Variants in GRID1 observed in about 807,000 individuals in gnomAD.
The protein encoded by GRID1 is glutamate ionotropic receptor delta type subunit 1.
A neutral mutation model predicts 98.0 loss-of-function variants in GRID1; 28 were observed. That is an observed-to-expected ratio of 0.29 (90% CI 0.21 to 0.39). The LOEUF is 0.39. Ranked by LOEUF, GRID1 falls within the 10% of genes least tolerant of loss-of-function variation. The pLI is 1.00. For synonymous variants in GRID1, 553 were observed against 538.5 expected, an observed-to-expected ratio of 1.03 and a Z score of -0.37; for missense variants, 1,111 against 1,340.5, an observed-to-expected ratio of 0.83 and a Z score of 2.67.
chr10:85,818,434 G>A (rs961775927), intron 8 of GRID1, among the ~76,000 whole-genome samples: 2 of 152,132 alleles, frequency 1.3e-5, no homozygotes, highest in African/African-American at 4.8e-5. Context: ...TCCATTAAAA[G>A]GTCCAAGAAG....
At chr10:85,610,326 C>G (rs964988035) in intron 15 of GRID1, among the ~76,000 whole-genome samples, 6 of 152,220 alleles carry the variant, frequency 3.9e-5, no homozygotes, top group African/African-American at 9.6e-5. Context: ...ACCTCTCAGT[C>G]TGGCATTTAA....
chr10:86,076,642 C>T (rs181869007), intron 4 of GRID1, among the ~76,000 whole-genome samples: 1 of 152,178 alleles, frequency 6.6e-6, no homozygotes, highest in East Asian at 1.9e-4. Context: ...GGCAGTCCTC[C>T]GGCCAAAATC....
In GRID1 at chr10:86,355,682, G is replaced by T. The variant is rs80207030; in HGVS notation, c.235+8259C>A. On this transcript the variant is annotated intron_variant, in intron 2 of 15. Coordinates refer to ENST00000327946, the MANE Select transcript of GRID1 (RefSeq NM_017551.3). Reference sequence around the variant, plus strand: ...AACCGTGGCCATCTGCCAGGAAACTGGCTGTTTACAGGCTGGGAGGAAGGG... The same window carrying T: ...AACCGTGGCCATCTGCCAGGAAACTTGCTGTTTACAGGCTGGGAGGAAGGG... Among the ~76,000 whole-genome samples the T allele has an allele frequency of 4.7e-3, 718 of 152,384 alleles. 7 individuals are homozygous for T. Among genetic ancestry groups the T allele is most frequent in the African/African-American group, 0.016 (674 of 41,594 alleles).
At chr10:86,050,551 A>G (rs1843487247) in intron 4 of GRID1, among the ~76,000 whole-genome samples, 1 of 152,028 alleles carries the variant, frequency 6.6e-6, no homozygotes, top group South Asian at 2.1e-4. Context: ...TAGTCAAACA[A>G]TGATGAATTT....
At chr10:86,045,433 A>G (rs1172843031) in intron 4 of GRID1, among the ~76,000 whole-genome samples, 1 of 152,208 alleles carries the variant, frequency 6.6e-6, no homozygotes, top group Non-Finnish European at 1.5e-5. Flanking sequence ...AGGGGAAATT[A>G]TTTTGACAAG....
chr10:86,362,758 C>T (rs1188560907), intron 2 of GRID1, among the ~76,000 whole-genome samples: 4 of 152,224 alleles, frequency 2.6e-5, no homozygotes, highest in Non-Finnish European at 5.9e-5. Context: ...GGCATCCTGT[C>T]CTTGCAGGCA....
intron 4 of GRID1, among the ~76,000 whole-genome samples, chr10:85,970,984 C>T (rs1842400275): frequency 6.6e-6 from 1 of 151,888 alleles, no homozygotes; most frequent in Non-Finnish European, 1.5e-5. Flanking sequence ...TAAATAAATT[C>T]TGCAAGGTTG....
chr10:86,335,435 G>A (rs1848208782), intron 2 of GRID1, among the ~76,000 whole-genome samples: 1 of 152,234 alleles, frequency 6.6e-6, no homozygotes, highest in Admixed American at 6.5e-5. Flanking sequence ...CTTTACTGCA[G>A]GACTTCTCAG....
chr10:85,966,479 C>A (rs1842337991), intron 4 of GRID1, among the ~76,000 whole-genome samples: 1 of 152,022 alleles, frequency 6.6e-6, no homozygotes, highest in Admixed American at 6.6e-5. Context: ...ACATACAGAA[C>A]CCCCAGGAAA....
chr10:85,653,584 A>G (rs1244256752), intron 12 of GRID1, among the ~76,000 whole-genome samples: 4 of 152,180 alleles, frequency 2.6e-5, no homozygotes, highest in Non-Finnish European at 4.4e-5. Context: ...TGGTTAGAAT[A>G]CTGTCTCCGC....
intron 8 of GRID1, among the ~76,000 whole-genome samples, chr10:85,792,422 A>T (rs1590234308): frequency 6.6e-6 from 1 of 152,200 alleles, no homozygotes; most frequent in Non-Finnish European, 1.5e-5. Context: ...CAATATTTTT[A>T]AAATGATTTT....
At position 86,192,369 on chromosome 10, in the gene GRID1, G is replaced by A. The variant is rs192718087; in HGVS notation, c.520+13995C>T. ...TTACTCAGCCTGAAAAAGGAAGGAC[G>A]TTCTGATGCATGCCACAGTGTGGAG... On this transcript the variant is annotated intron_variant, in intron 3 of 15. Coordinates refer to ENST00000327946, the MANE Select transcript of GRID1 (RefSeq NM_017551.3). This position sits in a 1 kb window ranked among gnomAD's most constrained non-coding sequence, Gnocchi z 4.8. 5.3e-5 allele frequency among the ~76,000 whole-genome samples: 8 copies of A among 152,292 alleles called. No homozygotes were observed. The highest frequency in any genetic ancestry group is 1.9e-4 in the East Asian group (1 of 5,180).
At chr10:86,176,920 A>G (rs540570481) in intron 3 of GRID1, among the ~76,000 whole-genome samples, 1 of 152,280 alleles carries the variant, frequency 6.6e-6, no homozygotes, top group Admixed American at 6.5e-5. Flanking sequence ...GGCAAAAGTA[A>G]GAAACATCAT....
At chr10:85,637,783 A>T (rs966372965) in intron 13 of GRID1, among the ~76,000 whole-genome samples, 6 of 152,246 alleles carry the variant, frequency 3.9e-5, no homozygotes, top group Admixed American at 6.5e-5. Context: ...TGTTCCTAAC[A>T]TGACTATCTT....
chr10:85,760,180 C>T (rs1842134037), intron 8 of GRID1, among the ~76,000 whole-genome samples: 1 of 152,190 alleles, frequency 6.6e-6, no homozygotes, highest in African/African-American at 2.4e-5. Context: ...GCCCTGCTGA[C>T]TTAAGTTTGT....
At chr10:85,796,237 A>G (rs943172666) in intron 8 of GRID1, among the ~76,000 whole-genome samples, 4 of 152,226 alleles carry the variant, frequency 2.6e-5, no homozygotes, top group Non-Finnish European at 5.9e-5. Context: ...CAAAGAAGAC[A>G]CCATTGGAGA....
chr10:86,113,560 C>T (rs1844522067), intron 4 of GRID1, among the ~76,000 whole-genome samples: 1 of 152,204 alleles, frequency 6.6e-6, no homozygotes, highest in African/African-American at 2.4e-5. Context: ...AACTCTTCAC[C>T]ACATGATATT....
In GRID1 at chr10:85,658,687, C is replaced by A. The variant is rs180986296; in HGVS notation, c.1998-11290G>T. 2.2e-4 allele frequency among the ~76,000 whole-genome samples: 33 copies of A among 152,114 alleles called. No individual in the cohort carries two copies. In the East Asian group the frequency reaches 5.6e-3, roughly 26 times the overall value. ...GTTGAACCTGTCCCAGCTTAGCAGA[C>A]AAGGAACTGGGACTGTGGGCAAAGA... On this transcript the variant is annotated intron_variant, in intron 12 of 15. Transcript: ENST00000327946.
At chr10:86,184,656 G>A (rs993490313) in intron 3 of GRID1, among the ~76,000 whole-genome samples, 21 of 151,974 alleles carry the variant, frequency 1.4e-4, no homozygotes, top group Non-Finnish European at 2.5e-4. Context: ...AAAACACACT[G>A]TATTGATTAT....
Sources: allele counts gnomAD v4.1 joint callset (sites outside exome capture counted in the v4.1 genomes callset), GRCh38; gene constraint gnomAD v4.1.1; non-coding constraint Gnocchi (gnomAD v3.1); transcripts MANE v1.5; gene names NCBI Gene and HGNC (gene_info 2026-07-23, HGNC 2026-07-21).